The following ASPH variants were observed in gnomAD, a reference collection of about 807,000 sequenced individuals.
ASPH encodes aspartate beta-hydroxylase.
A neutral mutation model predicts 118.4 loss-of-function variants in ASPH; 100 were observed. The observed-to-expected ratio is 0.84, with a 90% CI of 0.72 to 1.00. ASPH has a LOEUF of 1.00. Among genes scored for constraint, ASPH ranks in the 50% least tolerant of loss-of-function variants. ASPH has a pLI of 0.00. For synonymous variants in ASPH, 315 were observed against 325.6 expected (o/e 0.97, Z 0.35); for missense variants, 920 against 919.5 (o/e 1.00, Z -0.01).
chr8:61,565,830 CTT>C (rs1831498612), intron 17 of ASPH, among the ~76,000 whole-genome samples: 1 of 152,166 alleles, frequency 6.6e-6, no homozygotes, highest in Admixed American at 6.5e-5. Context: ...CAGCTGGAGA[CTT>C]TAAGTTGAAG....
chr8:61,611,869 T>A (rs1316953288), intron 14 of ASPH, among the ~76,000 whole-genome samples: 1 of 152,206 alleles, frequency 6.6e-6, no homozygotes, highest in East Asian at 1.9e-4. Flanking sequence ...GATTTTTCAA[T>A]TTGAGTCCAG....
At chr8:61,612,866 A>T (rs1401934463) in intron 14 of ASPH, among the ~76,000 whole-genome samples, 1 of 152,238 alleles carries the variant, frequency 6.6e-6, no homozygotes, top group Admixed American at 6.5e-5. Flanking sequence ...CTTGAAATGT[A>T]GCAAGTATAT....
At chr8:61,682,495 T>G in intron 2 of ASPH, 6 of 1,611,090 alleles carry the variant, frequency 3.7e-6, no homozygotes, top group Non-Finnish European at 5.1e-6. Flanking sequence ...TGCATGCATG[T>G]AAAAACATGA....
chr8:61,592,508 G>A (rs1442408057), intron 14 of ASPH, among the ~76,000 whole-genome samples: 1 of 152,146 alleles, frequency 6.6e-6, no homozygotes, highest in Non-Finnish European at 1.5e-5. Flanking sequence ...ACTCTAGTAT[G>A]TGTTTTTAAG....
chr8:61,616,269 G>A (rs1848985324), intron 14 of ASPH, among the ~76,000 whole-genome samples: 1 of 152,138 alleles, frequency 6.6e-6, no homozygotes, highest in Non-Finnish European at 1.5e-5. Context: ...GTGCACCGAG[G>A]ATACCCGACA....
chr8:61,651,403 C>A (rs1810912588), intron 4 of ASPH: 3 of 296,450 alleles, frequency 1.0e-5, no homozygotes, highest in South Asian at 1.2e-4. Flanking sequence ...TAAAAAAGAG[C>A]CTTATTAAAA....
chr8:61,634,800 A>G (rs1857045146), intron 12 of ASPH, among the ~76,000 whole-genome samples: 1 of 152,214 alleles, frequency 6.6e-6, no homozygotes, highest in Non-Finnish European at 1.5e-5. Flanking sequence ...CGCTCAAAAT[A>G]TTGTACATCA....
At chr8:61,654,766 T>C (rs918606434) in intron 3 of ASPH, among the ~76,000 whole-genome samples, 1 of 152,176 alleles carries the variant, frequency 6.6e-6, no homozygotes, top group African/African-American at 2.4e-5. Flanking sequence ...TTTGCAACAC[T>C]ATTTCCACAC....
chr8:61,624,281 G>A, intron 13 of ASPH: 1 of 985,314 alleles, frequency 1.0e-6, no homozygotes, highest in Non-Finnish European at 1.2e-6. Flanking sequence ...AAACTTCTAG[G>A]TGCAGGACAA....
intron 14 of ASPH, among the ~76,000 whole-genome samples, chr8:61,592,408 T>C (rs981221011): frequency 6.6e-6 from 1 of 152,242 alleles, no homozygotes; most frequent in Non-Finnish European, 1.5e-5. Context: ...CTAATAACTT[T>C]ATCACACTAT....
At chr8:61,703,581 C>T (rs941659191) in intron 1 of ASPH, among the ~76,000 whole-genome samples, 1 of 151,824 alleles carries the variant, frequency 6.6e-6, no homozygotes, top group Non-Finnish European at 1.5e-5. Flanking sequence ...AAAAAGAGCT[C>T]CATAGCAAAA....
chr8:61,624,432 T>A (rs1852010422), intron 13 of ASPH: 3 of 984,284 alleles, frequency 3.0e-6, no homozygotes, highest in African/African-American at 1.7e-5. Context: ...ATTTTAGTTA[T>A]CAAAAATGCT....
At chr8:61,595,253 A>G (rs559680063) in intron 14 of ASPH, among the ~76,000 whole-genome samples, 1 of 152,180 alleles carries the variant, frequency 6.6e-6, no homozygotes, top group Non-Finnish European at 1.5e-5. Flanking sequence ...CAAATACCCA[A>G]CTGTGAAGAT....
chr8:61,704,512 A>G (rs897284869), intron 1 of ASPH, among the ~76,000 whole-genome samples: 1 of 152,016 alleles, frequency 6.6e-6, no homozygotes, highest in African/African-American at 2.4e-5. Flanking sequence ...AAAAACAGAA[A>G]AGAAAAAATA....
chr8:61,687,891 T>C (rs1162415613), intron 1 of ASPH, among the ~76,000 whole-genome samples: 2 of 152,224 alleles, frequency 1.3e-5, no homozygotes, highest in Non-Finnish European at 2.9e-5. Flanking sequence ...ATTAACCTTA[T>C]TACTGTTGAT....
At chr8:61,633,143 A>G (rs960645908) in intron 13 of ASPH, 1 of 155,148 alleles carries the variant, frequency 6.4e-6, no homozygotes, top group Admixed American at 6.5e-5. Flanking sequence ...TGGTGACAAG[A>G]GGGCTCAGGT....
chr8:61,643,935 AT>A lies in ASPH; in HGVS notation c.709+9del. Reference sequence around the variant, plus strand: ...GAAAACACATATCAATAATTTTAACATTTACAAACCTGGATTTTCCTGCTCA... The same window carrying A: ...GAAAACACATATCAATAATTTTAACATTACAAACCTGGATTTTCCTGCTCA... On this transcript the variant is annotated intron_variant, in intron 8 of 24. Coordinates refer to ENST00000379454, the MANE Select transcript of ASPH (RefSeq NM_004318.4). 1.2e-6 allele frequency: 2 copies of A among 1,607,646 alleles called. No homozygotes were observed. The highest frequency in any genetic ancestry group is 1.7e-6 in the Non-Finnish European group (2 of 1,174,808).
intron 18 of ASPH, among the ~76,000 whole-genome samples, chr8:61,562,389 CTG>C (rs150312211): frequency 0.028 from 3,556 of 128,908 alleles, 90 homozygotes; most frequent in South Asian, 0.073. Flanking sequence ...GAAAGTGTGT[CTG>C]TGTGTGTGTG....
At position 61,521,525 on chromosome 8, in the gene ASPH, G is replaced by A. The variant is rs545422511; in HGVS notation, c.1901-3402C>T. Reference sequence around the variant, plus strand: ...TCCAGGACTCTAACCTAGGATTGTTGGTTTCCAAAGCCTATGCTTTAAAGC... The same window carrying A: ...TCCAGGACTCTAACCTAGGATTGTTAGTTTCCAAAGCCTATGCTTTAAAGC... On this transcript the variant is annotated intron_variant, in intron 22 of 24. Coordinates refer to ENST00000379454, the MANE Select transcript of ASPH (RefSeq NM_004318.4). Among the ~76,000 whole-genome samples the A allele has an allele frequency of 4.6e-5, 7 of 152,250 alleles. No individual in the cohort carries two copies. The East Asian group carries it at 1.4e-3, about 29-fold the overall frequency.
Sources: allele counts gnomAD v4.1 joint callset (sites outside exome capture counted in the v4.1 genomes callset), GRCh38; gene constraint gnomAD v4.1.1; transcripts MANE v1.5; gene names NCBI Gene and HGNC (gene_info 2026-07-23, HGNC 2026-07-21).